Variants in EIF1 observed in about 807,000 individuals in gnomAD.
EIF1 encodes eukaryotic translation initiation factor 1.
EIF1 carries 4 observed loss-of-function variants against 13.7 expected under a neutral mutation model. The ratio of observed to expected loss-of-function variants is 0.29; its 90% CI spans 0.14 to 0.67. The LOEUF (loss-of-function observed/expected upper bound fraction) is 0.67. EIF1 is among the 30% of genes least tolerant of loss of function. The probability of loss-of-function intolerance (pLI) is 0.77; values close to 1 mark genes in which losing one functional copy is unlikely to be tolerated. For synonymous variants in EIF1, 67 were observed against 50.7 expected (o/e 1.32, Z -1.37); for missense variants, 64 against 138.0 (o/e 0.46, Z 2.69).
intron 2 of EIF1, 21 bp from the exon 3 acceptor site, chr17:41,690,067 C>G: frequency 1.2e-6 from 2 of 1,612,876 alleles, no homozygotes; most frequent in South Asian, 1.1e-5. Flanking sequence ...AGGCCTAATT[C>G]GTTTTCCTTT....
At chr17:41,689,538 C>T in intron 1 of EIF1, 1 of 501,504 alleles carries the variant, frequency 2.0e-6, no homozygotes, top group East Asian at 3.4e-5. Flanking sequence ...CCCGGACTCC[C>T]CCGACATGTG....
rs1432056143 is a variant in EIF1 at position 41,692,229 on chromosome 17, G to GTAAA, written c.*1405_*1408dup. On this transcript the variant is annotated 3_prime_UTR_variant, in exon 4 of 4. Transcript: ENST00000469257. ...TTGGTTTAAGGGCGCAGAGTGGAGA[G>GTAAA]TAAATGCAAGGGCTATAACAAGGGC... 6.6e-6 allele frequency: 1 copy of GTAAA among 152,248 alleles called. No individual in the cohort carries two copies. The highest frequency in any genetic ancestry group is 1.5e-5 in the Non-Finnish European group (1 of 68,060). 9.4% of individuals were successfully genotyped at this position (152,248 alleles called of 1,614,324 possible). A position where few individuals can be genotyped will look rare whatever the true frequency, so the allele number is the denominator to read the frequency against.
rs1046396754 is a variant in EIF1, at chr17:41,691,706, T to C, written c.*880T>C. 1 of 152,630 alleles carries C rather than the reference T, an allele frequency of 6.6e-6. No individual in the cohort carries two copies. The highest frequency in any genetic ancestry group is 2.4e-5 in the African/African-American group (1 of 41,450). 9.5% of individuals were successfully genotyped at this position (152,630 alleles called of 1,614,324 possible). ...TGTGCATATAAAGGAACCATAGAAA[T>C]GGGCAGTGGAGGATTCGTCCACACC... On this transcript the variant is annotated 3_prime_UTR_variant, in exon 4 of 4. Coordinates refer to ENST00000469257, the MANE Select transcript of EIF1 (RefSeq NM_005801.4).
chr17:41,690,189 G>A lies in EIF1; in HGVS notation c.297G>A (p.Glu99=). 6.2e-7 allele frequency: 1 copy of A among 1,612,172 alleles called. No homozygotes were observed. Among genetic ancestry groups the A allele is most frequent in the Non-Finnish European group, 8.5e-7 (1 of 1,178,244 alleles). ...AGAACATATGCCAGTTCCTCGTAGA[G>A]GTGAGTTCAGTCACTACTTGATTTG... ...QRKNICQFLV[E]IGLAKDDQLK... is the part of the protein sequence containing the mutation. Residue 99 remains glutamate, a splice_region_variant and synonymous_variant, in exon 3 of 4, where the codon GAG becomes GAA. Coordinates refer to ENST00000469257, the MANE Select transcript of EIF1 (RefSeq NM_005801.4).
At position 41,691,903 on chromosome 17, in the gene EIF1, A is replaced by C. The variant is rs962368087; in HGVS notation, c.*1077A>C. 1 of 152,266 alleles carries C rather than the reference A, an allele frequency of 6.6e-6. No homozygotes were observed. Among genetic ancestry groups the C allele is most frequent in the Admixed American group, 6.5e-5 (1 of 15,282 alleles). The allele number at this position is 152,266 out of a possible 1,614,324, so 9.4% of individuals were successfully genotyped here. On this transcript the variant is annotated 3_prime_UTR_variant, in exon 4 of 4. Coordinates refer to ENST00000469257, the MANE Select transcript of EIF1 (RefSeq NM_005801.4). ...CACTGCAACCTCCACCTCAGGTTCA[A>C]GCAATTGTCGTGCCTCAGCCTCCCT...
In EIF1 at chr17:41,690,786, G is replaced by C; in HGVS notation, c.302G>C (p.Gly101Ala). ...KNICQFLVEI[G>A]LAKDDQLKVH... ...TTTGCCCTTTTGTCTTTTCAGATTG[G>C]ACTGGCTAAGGACGATCAGCTGAAG... The change falls in exon 4 of 4, where the codon GGA becomes GCA. Residue 101 changes from glycine (G) to alanine (A), a missense_variant. By Grantham distance (60) the Gly-to-Ala change is moderately conservative (BLOSUM62 0). This residue lies in a region of EIF1 where 35 missense variants were observed against 103.4 expected (regional missense o/e 0.34). Transcript: ENST00000469257. The C allele has an allele frequency of 6.2e-7, 1 of 1,613,876 alleles. No homozygotes were observed. The highest frequency in any genetic ancestry group is 8.5e-7 in the Non-Finnish European group (1 of 1,179,844).
rs1253716861 is a variant in EIF1 at position 41,691,087 on chromosome 17, CA to C, written c.*262del. 7.1e-6 allele frequency: 4 copies of C among 563,198 alleles called. No homozygotes were observed. Among genetic ancestry groups the C allele is most frequent in the African/African-American group, 3.7e-5 (2 of 53,418 alleles). The allele number at this position is 563,198 out of a possible 1,614,324, so 34.9% of individuals were successfully genotyped here. A position where few individuals can be genotyped will look rare whatever the true frequency, so the allele number is the denominator to read the frequency against. On this transcript the variant is annotated 3_prime_UTR_variant, in exon 4 of 4. Coordinates refer to ENST00000469257, the MANE Select transcript of EIF1 (RefSeq NM_005801.4). ...CAAGCCTGAAACCAAGCAATACCGT[CA>C]TGTTTCAGCCAAGCCCAGAGCCCTA... is the stretch of plus-strand genomic sequence containing the variant.
Position 41,690,902 on chromosome 17 carries a change from G to A in EIF1, c.*76G>A, listed in dbSNP as rs1057988. The A allele has an allele frequency of 6.3e-3, 9,837 of 1,558,576 alleles. 509 individuals are homozygous for A. The African/African-American group carries it at 0.12, about 18-fold the overall frequency. On this transcript the variant is annotated 3_prime_UTR_variant, in exon 4 of 4. Coordinates refer to ENST00000469257, the MANE Select transcript of EIF1 (RefSeq NM_005801.4). ...AATTTCCCTTCTCTCCCTTGTCACA[G>A]GTTTAAAAACCTCACAGCTTGTATA...
In EIF1 at chr17:41,691,138, ACCT is replaced by A. The variant is rs771251699; in HGVS notation, c.*317_*319del. ...AAGATTACAAACAACTATGGCCGGA[ACCT>A]CCTCAGCTCTCCCTCTGCAGAGTTC... is the stretch of plus-strand genomic sequence containing the variant. On this transcript the variant is annotated 3_prime_UTR_variant, in exon 4 of 4. Transcript: ENST00000469257. 1.8e-4 allele frequency: 94 copies of A among 520,150 alleles called. No individual in the cohort carries two copies. The highest frequency in any genetic ancestry group is 1.0e-3 in the Middle Eastern group (2 of 1,986). 32.2% of individuals were successfully genotyped at this position (520,150 alleles called of 1,614,324 possible).
chr17:41,691,405 A>C lies in EIF1; in HGVS notation c.*579A>C, dbSNP rs553403966. ...CGACCAGACATATCCTAGCTAAGGGATGTCCAAACATCAGAATGTGAGGCC... is the reference window on the plus strand; with the variant it reads ...CGACCAGACATATCCTAGCTAAGGGCTGTCCAAACATCAGAATGTGAGGCC... On this transcript the variant is annotated 3_prime_UTR_variant, in exon 4 of 4. Transcript: ENST00000469257. The C allele has an allele frequency of 6.3e-6, 1 of 158,112 alleles. No individual in the cohort carries two copies. Among genetic ancestry groups the C allele is most frequent in the South Asian group, 2.0e-4 (1 of 4,926 alleles). The allele number at this position is 158,112 out of a possible 1,614,324, so 9.8% of individuals were successfully genotyped here. A position where few individuals can be genotyped will look rare whatever the true frequency, so the allele number is the denominator to read the frequency against.
rs1408247804 is a variant in EIF1 at position 41,692,104 on chromosome 17, GT to G, written c.*1283del. The stretch of plus-strand genomic sequence containing the variant: ...AGCCACCATGCCCAGCAGGTCAACT[GT>G]TTTTGCAAGCATTTAGCCAGAGTCA... On this transcript the variant is annotated 3_prime_UTR_variant, in exon 4 of 4. Coordinates refer to ENST00000469257, the MANE Select transcript of EIF1 (RefSeq NM_005801.4). 1 of 152,302 alleles carries G rather than the reference GT, an allele frequency of 6.6e-6. No individual in the cohort carries two copies. The highest frequency in any genetic ancestry group is 2.4e-5 in the African/African-American group (1 of 41,446). The allele number at this position is 152,302 out of a possible 1,614,324, so 9.4% of individuals were successfully genotyped here.
At position 41,692,183 on chromosome 17, in the gene EIF1, G is replaced by T. The variant is rs563491574; in HGVS notation, c.*1357G>T. The T allele has an allele frequency of 6.6e-6, 1 of 152,176 alleles. No homozygotes were observed. The highest frequency in any genetic ancestry group is 2.4e-5 in the African/African-American group (1 of 41,422). 9.4% of individuals were successfully genotyped at this position (152,176 alleles called of 1,614,324 possible). A position where few individuals can be genotyped will look rare whatever the true frequency, so the allele number is the denominator to read the frequency against. On this transcript the variant is annotated 3_prime_UTR_variant, in exon 4 of 4. Coordinates refer to ENST00000469257, the MANE Select transcript of EIF1 (RefSeq NM_005801.4). ...GAATGGGTTGCTTGGAAATCTTGGC[G>T]CCCCCTCAGTAGTAACAGCCTTGGT... is the stretch of plus-strand genomic sequence containing the variant.
In EIF1 at chr17:41,690,820, G is replaced by GTT; in HGVS notation, c.339_340dup (p.Ter114PhefsTer10). 1 of 1,613,714 alleles carries GTT rather than the reference G, an allele frequency of 6.2e-7. No individual in the cohort carries two copies. The highest frequency in any genetic ancestry group is 8.5e-7 in the Non-Finnish European group (1 of 1,179,856). The stretch of plus-strand genomic sequence containing the variant: ...AGGACGATCAGCTGAAGGTTCATGG[G>GTT]TTTTAAGTGCTTGTGGCTCACTGAA... On this transcript the variant is annotated frameshift_variant, in exon 4 of 4. Coordinates refer to ENST00000469257, the MANE Select transcript of EIF1 (RefSeq NM_005801.4). LOFTEE classifies it high-confidence loss of function.
intron 3 of EIF1, 114 bp downstream of exon 3, chr17:41,690,303 G>T: frequency 1.3e-6 from 1 of 780,426 alleles, no homozygotes. Flanking sequence ...CAAAACCTCA[G>T]TTGGGTTTTA....
intron 3 of EIF1, 195 bp downstream of exon 3, chr17:41,690,384 C>G (rs1253937442): frequency 1.7e-6 from 1 of 578,810 alleles, no homozygotes; most frequent in Non-Finnish European, 3.0e-6. Flanking sequence ...TTTACTGTTT[C>G]TGTGGATCTA....
Position 41,690,869 on chromosome 17 carries a change from A to C in EIF1, c.*43A>C. 1 of 1,606,890 alleles carries C rather than the reference A, an allele frequency of 6.2e-7. No individual in the cohort carries two copies. Among genetic ancestry groups the C allele is most frequent in the Non-Finnish European group, 8.5e-7 (1 of 1,174,816 alleles). ...AAGCTTAAGTGAGGATTTCCTTGCA[A>C]TGAGTAGAATTTCCCTTCTCTCCCT... On this transcript the variant is annotated 3_prime_UTR_variant, in exon 4 of 4. Transcript: ENST00000469257.
In EIF1 at chr17:41,691,138, A is replaced by G. The variant is rs1051376134; in HGVS notation, c.*312A>G. On this transcript the variant is annotated 3_prime_UTR_variant, in exon 4 of 4. Transcript: ENST00000469257. ...AAGATTACAAACAACTATGGCCGGA[A>G]CCTCCTCAGCTCTCCCTCTGCAGAG... 3.8e-6 allele frequency: 2 copies of G among 520,150 alleles called. No homozygotes were observed. The highest frequency in any genetic ancestry group is 3.3e-5 in the Admixed American group (1 of 30,612). The allele number at this position is 520,150 out of a possible 1,614,324, so 32.2% of individuals were successfully genotyped here.
At chr17:41,689,580 G>A in intron 1 of EIF1, 198 bp from the exon 2 acceptor site, 1 of 526,032 alleles carries the variant, frequency 1.9e-6, no homozygotes. Flanking sequence ...GGAGGCCCGG[G>A]CGTTCCCCGA....
chr17:41,689,507 G>C (rs1307804790), intron 1 of EIF1: 1 of 472,404 alleles, frequency 2.1e-6, no homozygotes, highest in South Asian at 3.0e-5. Flanking sequence ...TGCATCAGCT[G>C]GGTGGGGCAC....
Sources: allele counts gnomAD v4.1 joint callset, GRCh38; gene constraint gnomAD v4.1.1; regional missense constraint gnomAD v4.1.1; transcripts MANE v1.5; gene names NCBI Gene and HGNC (gene_info 2026-07-23, HGNC 2026-07-21).